EXPH5: variants seen among roughly 807,000 people sequenced by gnomAD.
EXPH5 encodes the protein exophilin-5.
A neutral mutation model predicts 41.1 loss-of-function variants in EXPH5; 42 were observed. The ratio of observed to expected loss-of-function variants is 1.02; its 90% CI spans 0.80 to 1.32. The LOEUF is 1.32. Ranked by LOEUF, EXPH5 falls within the 40% of genes most tolerant of loss-of-function variation. The probability of loss-of-function intolerance (pLI) is 0.00; values close to 1 mark genes in which losing one functional copy is unlikely to be tolerated. For synonymous variants in EXPH5, 798 were observed against 833.5 expected, an observed-to-expected ratio of 0.96 and a Z score of 0.73; for missense variants, 2,298 against 2,314.5, an observed-to-expected ratio of 0.99 and a Z score of 0.15.
chr11:108,525,415 G>A (rs2093792073), intron 4 of EXPH5, among the ~76,000 whole-genome samples: 1 of 152,162 alleles, frequency 6.6e-6, no homozygotes, highest in Non-Finnish European at 1.5e-5. Context: ...GCCCAGGCAT[G>A]CTCCTAAACA....
At chr11:108,565,712 A>G (rs1344963242) in intron 1 of EXPH5, among the ~76,000 whole-genome samples, 2 of 152,202 alleles carry the variant, frequency 1.3e-5, no homozygotes, top group African/African-American at 4.8e-5. Context: ...GGGCTGATCA[A>G]ATGACATCTA....
chr11:108,589,754 T>C (rs1224083844), intron 1 of EXPH5, among the ~76,000 whole-genome samples: 6 of 152,214 alleles, frequency 3.9e-5, no homozygotes, highest in Non-Finnish European at 7.3e-5. Context: ...GATTATTCAA[T>C]CTTGATGGGT....
At chr11:108,602,327 CCTCT>C in the EXPH5 span, among the ~76,000 whole-genome samples, 1 of 152,148 alleles carries the variant, frequency 6.6e-6, no homozygotes, top group South Asian at 2.1e-4. Flanking sequence ...CTGTTCTTTA[CCTCT>C]CTATTTGAAT....
At position 108,578,210 on chromosome 11, in the gene EXPH5, G is replaced by T. The variant is rs10466558; in HGVS notation, c.119+15208C>A. 9.4e-4 allele frequency among the ~76,000 whole-genome samples: 143 copies of T among 152,120 alleles called. 1 individual carries two copies. The highest frequency in any genetic ancestry group is 2.2e-4 in the Non-Finnish European group (15 of 67,966). ...TTTAATCCACTTTGATTTGATTTTT[G>T]TATATGGTGAGAGATAGGGGTCTAC... On this transcript the variant is annotated intron_variant, in intron 1 of 5. Transcript: ENST00000265843.
rs374711071 is a variant in EXPH5 at position 108,517,233 on chromosome 11, A to G, written c.631+1002T>C. Among the ~76,000 whole-genome samples, 13 of 152,300 alleles carry G rather than the reference A, an allele frequency of 8.5e-5. No homozygotes were observed. The South Asian group carries it at 1.0e-3, about 12-fold the overall frequency. On this transcript the variant is annotated intron_variant, in intron 5 of 5. Transcript: ENST00000265843. The stretch of plus-strand genomic sequence containing the variant: ...AGAAAAATTCCTGTTCTGCTTCTCT[A>G]CATTAGTTTCAGAAAGGCCACATTA...
chr11:108,589,553 G>T (rs575671913), intron 1 of EXPH5, among the ~76,000 whole-genome samples: 18 of 152,288 alleles, frequency 1.2e-4, no homozygotes, highest in African/African-American at 4.3e-4. Context: ...TCTAAATCTA[G>T]ACATGCCATT....
upstream of EXPH5, among the ~76,000 whole-genome samples, chr11:108,593,933 A>T (rs2136133851): frequency 6.7e-6 from 1 of 148,942 alleles, no homozygotes. Flanking sequence ...AAACAAGCCT[A>T]CATAATTCTG....
chr11:108,566,673 C>T (rs1368481053), intron 1 of EXPH5, among the ~76,000 whole-genome samples: 1 of 151,904 alleles, frequency 6.6e-6, no homozygotes. Flanking sequence ...GGCAACATGG[C>T]AAAACCCCAT....
At position 108,593,520 on chromosome 11, in the gene EXPH5, G is replaced by T. The variant is rs958820475; in HGVS notation, c.17C>A (p.Pro6Gln). Residue 6 changes from proline (P) to glutamine (Q), a missense_variant, in exon 1 of 6, where the codon CCG becomes CAG. Transcript: ENST00000265843. The stretch of plus-strand genomic sequence containing the variant: ...ATTTAAGAAACTGAAATCAAACGCC[G>T]GAGGAACTTTCGTCATTTTCTTTAC... MTKVP[P>Q]AFDFSFLNDE... 1.9e-6 allele frequency: 3 copies of T among 1,614,026 alleles called. No individual in the cohort carries two copies. The African/African-American group carries it at 4.0e-5, about 22-fold the overall frequency.
chr11:108,551,486 T>C (rs2093964706), intron 1 of EXPH5, among the ~76,000 whole-genome samples: 1 of 152,232 alleles, frequency 6.6e-6, no homozygotes, highest in Non-Finnish European at 1.5e-5. Flanking sequence ...CTCTTTTTGA[T>C]GTTCTCACTT....
At position 108,513,886 on chromosome 11, in the gene EXPH5, C is replaced by T; in HGVS notation, c.1621G>A (p.Val541Ile). The part of the protein sequence containing the change: ...ESFSSGYGTD[V>I]SRGQEEPHPW... ...TGTGGCTCTTCTTGGCCTCTGGAAACATCTGTTCCATAACCAGAAGAAAAT... is the reference window on the plus strand; with the variant it reads ...TGTGGCTCTTCTTGGCCTCTGGAAATATCTGTTCCATAACCAGAAGAAAAT... The change falls in exon 6 of 6, where the codon GTT (valine) becomes ATT (isoleucine). Residue 541 changes from valine (V) to isoleucine (I), a missense_variant. Transcript: ENST00000265843. The T allele has an allele frequency of 6.2e-7, 1 of 1,612,324 alleles. No individual in the cohort carries two copies. Among genetic ancestry groups the T allele is most frequent in the Non-Finnish European group, 8.5e-7 (1 of 1,179,378 alleles).
intron 1 of EXPH5, among the ~76,000 whole-genome samples, chr11:108,593,073 A>C (rs2094131638): frequency 6.6e-6 from 1 of 152,132 alleles, no homozygotes; most frequent in South Asian, 2.1e-4. Flanking sequence ...GCCGCATTTC[A>C]TTGCCTGAAA....
chr11:108,594,807 G>T (rs1412838194), upstream of EXPH5, among the ~76,000 whole-genome samples: 1 of 152,122 alleles, frequency 6.6e-6, no homozygotes, highest in Non-Finnish European at 1.5e-5. Context: ...ATCTGTACAA[G>T]AACATGATAT....
intron 3 of EXPH5, among the ~76,000 whole-genome samples, chr11:108,528,710 T>C (rs1316879012): frequency 6.8e-6 from 1 of 147,566 alleles, no homozygotes; most frequent in Non-Finnish European, 1.5e-5. Context: ...TTTTTTTTTT[T>C]TTTTTTTTGA....
At chr11:108,577,884 A>G (rs958081208) in intron 1 of EXPH5, among the ~76,000 whole-genome samples, 1 of 152,028 alleles carries the variant, frequency 6.6e-6, no homozygotes, top group Non-Finnish European at 1.5e-5. Context: ...CCATTTTAAA[A>G]TTTGATTTTT....
At chr11:108,546,741 A>G (rs17092330) in intron 1 of EXPH5, among the ~76,000 whole-genome samples, 20,889 of 152,128 alleles carry the variant, frequency 0.14, 1,566 homozygotes, top group South Asian at 0.21. Flanking sequence ...AATCCAGGAC[A>G]TTGAGATTTT....
chr11:108,539,395 A>C (rs1934390400), intron 2 of EXPH5, among the ~76,000 whole-genome samples: 1 of 152,170 alleles, frequency 6.6e-6, no homozygotes, highest in African/African-American at 2.4e-5. Flanking sequence ...GAGAAAACTC[A>C]AATTAGTAGG....
In EXPH5 at chr11:108,514,406, A is replaced by T. The variant is rs2093708215; in HGVS notation, c.1101T>A (p.Pro367=). The change falls in exon 6 of 6, where the codon CCT becomes CCA. Residue 367 remains proline, a synonymous_variant. Coordinates refer to ENST00000265843, the MANE Select transcript of EXPH5 (RefSeq NM_015065.3). ...PRHQQSPKRT[P]LSSIIWNRSD... ...ATCTGTTCCATATGATGGATGATAA[A>T]GGAGTTCTCTTTGGACTCTGCTGGT... 8 of 1,614,006 alleles carry T rather than the reference A, an allele frequency of 5.0e-6. No individual in the cohort carries two copies. The highest frequency in any genetic ancestry group is 5.9e-6 in the Non-Finnish European group (7 of 1,180,016).
chr11:108,571,480 C>T (rs889785545), intron 1 of EXPH5, among the ~76,000 whole-genome samples: 8 of 152,114 alleles, frequency 5.3e-5, no homozygotes, highest in Non-Finnish European at 7.3e-5. Context: ...GTCAGAATTC[C>T]GCCTGCTTTT....
Sources: allele counts gnomAD v4.1 joint callset (sites outside exome capture counted in the v4.1 genomes callset), GRCh38; gene constraint gnomAD v4.1.1; transcripts MANE v1.5; gene names NCBI Gene and HGNC (gene_info 2026-07-23, HGNC 2026-07-21).